The following SLC43A2 variants were observed in gnomAD, a reference collection of about 807,000 sequenced individuals.
The protein encoded by SLC43A2 is large neutral amino acids transporter small subunit 4.
In SLC43A2, 38 loss-of-function variants were observed where a neutral mutation model predicts 63.2. The observed-to-expected ratio is 0.60, with a 90% CI of 0.46 to 0.79. The LOEUF (loss-of-function observed/expected upper bound fraction) is 0.79, where lower values mean the gene tolerates loss of function less well. Ranked by LOEUF, SLC43A2 falls within the 30% of genes least tolerant of loss-of-function variation. The pLI is 0.00. For missense variants in SLC43A2, 644 were observed against 756.2 expected (o/e 0.85, Z 1.74); for synonymous variants, 322 against 331.0 (o/e 0.97, Z 0.30).
chr17:1,622,171 C>A (rs892693164), intron 2 of SLC43A2, among the ~76,000 whole-genome samples: 2 of 152,248 alleles, frequency 1.3e-5, no homozygotes, highest in Non-Finnish European at 1.5e-5. Context: ...GCCTTTAAAC[C>A]TTCTTACCCA....
At chr17:1,609,257 A>G (rs1567639075) in intron 5 of SLC43A2, among the ~76,000 whole-genome samples, 1 of 152,164 alleles carries the variant, frequency 6.6e-6, no homozygotes, top group Non-Finnish European at 1.5e-5. Flanking sequence ...GCCGGAGTGC[A>G]GTGGCGCAAT....
intron 2 of SLC43A2, among the ~76,000 whole-genome samples, chr17:1,626,710 G>A (rs1908697650): frequency 6.6e-6 from 1 of 152,168 alleles, no homozygotes; most frequent in Admixed American, 6.6e-5. Context: ...AAGGCCTGCT[G>A]CTGGGGATTC....
chr17:1,570,139 C>A lies in SLC43A2; in HGVS notation c.*5465G>T, dbSNP rs1298644560. ...CGATCTCCTGACCTTGTGATCCGCC[C>A]GCCTCAGCCTCCCAAAGTGCTGGGA... On this transcript the variant is annotated 3_prime_UTR_variant, in exon 14 of 14. Transcript: ENST00000301335. The A allele has an allele frequency of 6.6e-6, 1 of 152,004 alleles. No homozygotes were observed. The highest frequency in any genetic ancestry group is 2.1e-4 in the South Asian group (1 of 4,828). The allele number at this position is 152,004 out of a possible 1,614,324, so 9.4% of individuals were successfully genotyped here. A position where few individuals can be genotyped will look rare whatever the true frequency, so the allele number is the denominator to read the frequency against.
At chr17:1,611,981 T>C (rs1018710102) in intron 5 of SLC43A2, among the ~76,000 whole-genome samples, 7 of 152,140 alleles carry the variant, frequency 4.6e-5, no homozygotes, top group African/African-American at 1.4e-4. Context: ...GTTGTTGTTT[T>C]TGAGACAGAG....
intron 2 of SLC43A2, among the ~76,000 whole-genome samples, chr17:1,619,963 G>A (rs765312892): frequency 1.1e-4 from 17 of 152,190 alleles, no homozygotes; most frequent in Admixed American, 7.9e-4. Flanking sequence ...AGTGGGTGAG[G>A]CAGCACTGCC....
At chr17:1,614,578 G>T (rs1369869694) in intron 4 of SLC43A2, among the ~76,000 whole-genome samples, 1 of 152,096 alleles carries the variant, frequency 6.6e-6, no homozygotes, top group African/African-American at 2.4e-5. Context: ...CCTTGAACAG[G>T]GTTGGGGACC....
intron 6 of SLC43A2, 107 bp from the exon 7 acceptor site, chr17:1,591,806 T>A: frequency 1.2e-6 from 1 of 829,732 alleles, no homozygotes; most frequent in Non-Finnish European, 1.9e-6. Context: ...GCTGTCCCTG[T>A]GCTGAGCCGC....
chr17:1,617,381 C>T (rs1490703490), intron 2 of SLC43A2, among the ~76,000 whole-genome samples: 2 of 152,116 alleles, frequency 1.3e-5, no homozygotes, highest in East Asian at 1.9e-4. Context: ...CCTTCTCCCC[C>T]TGATATTTTC....
At chr17:1,585,882 G>A (rs2076093903) in intron 10 of SLC43A2, 31 bp downstream of exon 10, 1 of 1,613,088 alleles carries the variant, frequency 6.2e-7, no homozygotes, top group Non-Finnish European at 8.5e-7. Flanking sequence ...GCTGCGGGCT[G>A]GGAGCCGGGG....
rs879537488 is a variant in SLC43A2 at position 1,569,333 on chromosome 17, G to T, written c.*6271C>A. ...AGGAAGTAAGCCAGGTGCTAGAAAC[G>T]GCAAAGGAGCAGGGAAGAGGCGGGT... On this transcript the variant is annotated 3_prime_UTR_variant, in exon 14 of 14. Coordinates refer to ENST00000301335, the MANE Select transcript of SLC43A2 (RefSeq NM_152346.3). 1 of 152,406 alleles carries T rather than the reference G, an allele frequency of 6.6e-6. No individual in the cohort carries two copies. Among genetic ancestry groups the T allele is most frequent in the Non-Finnish European group, 1.5e-5 (1 of 68,176 alleles). 9.4% of individuals were successfully genotyped at this position (152,406 alleles called of 1,614,324 possible).
intron 5 of SLC43A2, among the ~76,000 whole-genome samples, chr17:1,600,532 AT>A (rs1041602016): frequency 9.7e-5 from 13 of 134,642 alleles, no homozygotes; most frequent in Non-Finnish European, 1.6e-4. Flanking sequence ...CTCATAAGAG[AT>A]TTTTTTTTCT....
At chr17:1,586,928 T>TCACC in intron 9 of SLC43A2, 15 of 1,232,902 alleles carry the variant, frequency 1.2e-5, no homozygotes, top group Admixed American at 8.9e-5. Flanking sequence ...TCCCTGACAA[T>TCACC]CCCCCCCACC....
intron 11 of SLC43A2, among the ~76,000 whole-genome samples, chr17:1,579,996 G>A (rs889972995): frequency 4.6e-5 from 7 of 151,460 alleles, no homozygotes; most frequent in Non-Finnish European, 7.4e-5. Flanking sequence ...GCAGTGGCAC[G>A]GCTCACTGCA....
chr17:1,584,785 A>G (rs1425639549), intron 10 of SLC43A2, among the ~76,000 whole-genome samples: 1 of 150,826 alleles, frequency 6.6e-6, no homozygotes, highest in Admixed American at 6.7e-5. Flanking sequence ...GAGCCACTGC[A>G]CTCCAGCCTG....
chr17:1,586,482 G>T (rs999284682), intron 9 of SLC43A2, among the ~76,000 whole-genome samples: 1 of 152,128 alleles, frequency 6.6e-6, no homozygotes, highest in African/African-American at 2.4e-5. Flanking sequence ...GGATCACGAG[G>T]TCAGGAGTTC....
chr17:1,627,662 CTCCCAAA>C, intron 2 of SLC43A2, 46 bp downstream of exon 2: 2 of 917,998 alleles, frequency 2.2e-6, no homozygotes, highest in Non-Finnish European at 3.0e-6. Context: ...ATCCCGCCCC[CTCCCAAA>C]GCCCCAGCTC....
chr17:1,595,958 A>C (rs545693351), intron 5 of SLC43A2, among the ~76,000 whole-genome samples: 19 of 152,206 alleles, frequency 1.2e-4, no homozygotes, highest in Non-Finnish European at 2.5e-4. Flanking sequence ...TGTTTTGCCC[A>C]CTTTTAAAAA....
intron 5 of SLC43A2, 129 bp downstream of exon 5, chr17:1,613,066 C>G (rs1204746384): frequency 2.5e-6 from 2 of 802,682 alleles, no homozygotes; most frequent in South Asian, 1.6e-5. Context: ...CGCCCATAGC[C>G]CCTCTACTGT....
intron 10 of SLC43A2, chr17:1,585,620 T>G (rs772899709): frequency 1.6e-6 from 2 of 1,253,626 alleles, no homozygotes; most frequent in South Asian, 2.7e-5. Context: ...ACTCCTGGCC[T>G]CAAGTGATCT....
Sources: allele counts gnomAD v4.1 joint callset (sites outside exome capture counted in the v4.1 genomes callset), GRCh38; gene constraint gnomAD v4.1.1; transcripts MANE v1.5; gene names NCBI Gene and HGNC (gene_info 2026-07-23, HGNC 2026-07-21).